NKAIN2: variants seen among roughly 807,000 people sequenced by gnomAD.
NKAIN2 encodes the protein sodium/potassium transporting ATPase interacting 2, also known as sodium/potassium-transporting ATPase subunit beta-1-interacting protein 2.
NKAIN2 carries 14 observed loss-of-function variants against 32.6 expected under a neutral mutation model. That is an observed-to-expected ratio of 0.43 (90% CI 0.28 to 0.67). The LOEUF (loss-of-function observed/expected upper bound fraction) is 0.67. NKAIN2 is among the 30% of genes least tolerant of loss of function. The pLI is 0.17. For synonymous variants in NKAIN2, 80 were observed against 87.2 expected, an observed-to-expected ratio of 0.92 and a Z score of 0.46; for missense variants, 198 against 258.3, an observed-to-expected ratio of 0.77 and a Z score of 1.60.
chr6:124,636,212 A>G (rs914590733), intron 3 of NKAIN2, among the ~76,000 whole-genome samples: 2 of 149,564 alleles, frequency 1.3e-5, no homozygotes, highest in African/African-American at 5.0e-5. Context: ...GTCAATGAAG[A>G]AAAAAAAAAT....
chr6:123,881,786 CA>C (rs1773467608), intron 1 of NKAIN2, among the ~76,000 whole-genome samples: 1 of 152,124 alleles, frequency 6.6e-6, no homozygotes, highest in South Asian at 2.1e-4. Flanking sequence ...TTCTGTAAAG[CA>C]CTATCATGAC....
chr6:124,048,598 A>G (rs9491057), intron 1 of NKAIN2, among the ~76,000 whole-genome samples: 2,060 of 151,390 alleles, frequency 0.014, 55 homozygotes, highest in African/African-American at 0.046. Flanking sequence ...AGAGGAGAAT[A>G]TGCCAGCATC....
intron 1 of NKAIN2, among the ~76,000 whole-genome samples, chr6:124,174,097 T>C (rs530986392): frequency 1.8e-4 from 27 of 152,288 alleles, no homozygotes; most frequent in African/African-American, 6.5e-4. Flanking sequence ...CAATATTCTG[T>C]ATTAAACAGA....
chr6:124,092,359 G>C (rs773349007), intron 1 of NKAIN2, among the ~76,000 whole-genome samples: 18 of 152,074 alleles, frequency 1.2e-4, no homozygotes, highest in Non-Finnish European at 2.6e-4. Context: ...AGAACCAGCA[G>C]AGATCATCAG....
intron 1 of NKAIN2, among the ~76,000 whole-genome samples, chr6:123,997,444 G>A (rs1779668717): frequency 6.6e-6 from 1 of 152,110 alleles, no homozygotes; most frequent in Non-Finnish European, 1.5e-5. Flanking sequence ...TCTTGGACCA[G>A]TGCCAACTCA....
At chr6:124,125,453 A>T (rs1786112749) in intron 1 of NKAIN2, among the ~76,000 whole-genome samples, 1 of 152,212 alleles carries the variant, frequency 6.6e-6, no homozygotes, top group South Asian at 2.1e-4. Flanking sequence ...AGGCAAACAC[A>T]GTTAAGTCAA....
intron 1 of NKAIN2, among the ~76,000 whole-genome samples, chr6:123,898,027 T>C (rs1311801274): frequency 1.3e-5 from 2 of 152,362 alleles, no homozygotes; most frequent in East Asian, 3.9e-4. Context: ...TTACTGCTCG[T>C]AGATGTCCTC....
In NKAIN2 at chr6:124,309,546, G is replaced by C. The variant is rs185869208; in HGVS notation, c.192+26404G>C. Among the ~76,000 whole-genome samples, 38 of 152,020 alleles carry C rather than the reference G, an allele frequency of 2.5e-4. No homozygotes were observed. The East Asian group carries it at 6.6e-3, about 26-fold the overall frequency. On this transcript the variant is annotated intron_variant, in intron 2 of 6. Transcript: ENST00000368417. ...CATGAAGACTTCTATCTATAATATTGACAGCTTAATTTAGCATATTATTTA... is the reference window on the plus strand; with the variant it reads ...CATGAAGACTTCTATCTATAATATTCACAGCTTAATTTAGCATATTATTTA...
At chr6:124,456,393 ATAT>A (rs961936407) in intron 3 of NKAIN2, among the ~76,000 whole-genome samples, 6 of 151,882 alleles carry the variant, frequency 4.0e-5, no homozygotes, top group African/African-American at 1.4e-4. Context: ...ACTCATTCTT[ATAT>A]ATCTGCAGAA....
intron 1 of NKAIN2, among the ~76,000 whole-genome samples, chr6:124,098,891 A>C (rs1784757265): frequency 6.6e-6 from 1 of 151,918 alleles, no homozygotes; most frequent in Admixed American, 6.6e-5. Flanking sequence ...TAATAATAAT[A>C]ATAATTAAAT....
At chr6:124,493,711 C>CA (rs925156419) in intron 3 of NKAIN2, among the ~76,000 whole-genome samples, 1 of 101,116 alleles carries the variant, frequency 9.9e-6, no homozygotes, top group Non-Finnish European at 2.0e-5. Flanking sequence ...CACCAACCCC[C>CA]CCCTCCAAAA....
intron 1 of NKAIN2, among the ~76,000 whole-genome samples, chr6:124,259,384 C>T (rs1026329703): frequency 1.3e-5 from 2 of 152,040 alleles, no homozygotes; most frequent in Non-Finnish European, 2.9e-5. Context: ...TTGATACTAT[C>T]TGGGAGGGCT....
At chr6:124,810,024 C>T (rs1358033333) in intron 5 of NKAIN2, among the ~76,000 whole-genome samples, 1 of 152,160 alleles carries the variant, frequency 6.6e-6, no homozygotes, top group Non-Finnish European at 1.5e-5. Context: ...GAACACTTTA[C>T]ACTGTTGGTG....
At chr6:124,765,357 C>T (rs1778464995) in intron 4 of NKAIN2, among the ~76,000 whole-genome samples, 1 of 152,204 alleles carries the variant, frequency 6.6e-6, no homozygotes, top group African/African-American at 2.4e-5. Flanking sequence ...GATTTCACTG[C>T]ATTTACAGAG....
chr6:124,112,245 C>A (rs934812645), intron 1 of NKAIN2, among the ~76,000 whole-genome samples: 1 of 152,066 alleles, frequency 6.6e-6, no homozygotes, highest in African/African-American at 2.4e-5. Context: ...AAGGCAGGTC[C>A]GGTGTTGATG....
At chr6:124,701,426 T>C (rs1299997742) in intron 4 of NKAIN2, among the ~76,000 whole-genome samples, 1 of 152,080 alleles carries the variant, frequency 6.6e-6, no homozygotes, top group Non-Finnish European at 1.5e-5. Context: ...CAGAAGAGTA[T>C]TAAGTATGTA....
At chr6:124,687,249 T>TAA (rs1310808644) in intron 4 of NKAIN2, among the ~76,000 whole-genome samples, 2 of 143,770 alleles carry the variant, frequency 1.4e-5, no homozygotes, top group Non-Finnish European at 3.0e-5. Context: ...AATATATATA[T>TAA]TACCTATATA....
At chr6:123,903,360 G>A (rs1318868579) in intron 1 of NKAIN2, among the ~76,000 whole-genome samples, 4 of 152,116 alleles carry the variant, frequency 2.6e-5, no homozygotes, top group Non-Finnish European at 5.9e-5. Context: ...AAATAAGAGG[G>A]AAGGAATTTT....
At chr6:124,412,280 C>T (rs1001585483) in intron 3 of NKAIN2, among the ~76,000 whole-genome samples, 5 of 152,152 alleles carry the variant, frequency 3.3e-5, no homozygotes, top group Admixed American at 2.0e-4. Flanking sequence ...GGTTTTTCTG[C>T]TCTGTTTTTT....
Sources: allele counts gnomAD v4.1 joint callset (sites outside exome capture counted in the v4.1 genomes callset), GRCh38; gene constraint gnomAD v4.1.1; transcripts MANE v1.5; gene names NCBI Gene and HGNC (gene_info 2026-07-23, HGNC 2026-07-21).